Variants in FGF13 observed in about 807,000 individuals in gnomAD.
The protein encoded by FGF13 is fibroblast growth factor homologous factor 2.
Under a neutral mutation model 19.5 loss-of-function variants are expected in FGF13, and 2 were observed. The observed-to-expected ratio is 0.10, with a 90% CI of 0.04 to 0.32. The LOEUF is 0.32. Among genes scored for constraint, FGF13 ranks in the 10% least tolerant of loss-of-function variants. The probability of loss-of-function intolerance (pLI) is 1.00; values close to 1 mark genes in which losing one functional copy is unlikely to be tolerated. For synonymous variants in FGF13, 72 were observed against 76.9 expected (o/e 0.94, Z 0.33); for missense variants, 113 against 192.7 (o/e 0.59, Z 2.45).
chrX:138,728,439 G>C (rs1420099345), intron 1 of FGF13, among the ~76,000 whole-genome samples: 3 of 111,980 alleles, frequency 2.7e-5, no homozygotes, highest in African/African-American at 9.7e-5. Flanking sequence ...AGTATGCACA[G>C]AGTTTTGGAA....
chrX:139,136,212 T>A (rs980950636), intron 1 of FGF13, among the ~76,000 whole-genome samples: 4 of 111,670 alleles, frequency 3.6e-5, no homozygotes, highest in African/African-American at 1.3e-4. Context: ...TATATTTTTT[T>A]ATTTAAATAG....
At chrX:138,826,842 A>G (rs769779734) in intron 3 of FGF13, among the ~76,000 whole-genome samples, 4 of 112,537 alleles carry the variant, frequency 3.6e-5, no homozygotes, top group African/African-American at 1.3e-4. Flanking sequence ...CTTATGACCC[A>G]AGAGATCCTA....
chrX:139,096,170 A>G (rs1188635365), intron 1 of FGF13, among the ~76,000 whole-genome samples: 1 of 111,896 alleles, frequency 8.9e-6, no homozygotes, highest in African/African-American at 3.3e-5. Flanking sequence ...GAGGCTCACA[A>G]CCTACTAGTT....
At chrX:139,000,422 T>C (rs1444172949) in intron 1 of FGF13, among the ~76,000 whole-genome samples, 1 of 112,170 alleles carries the variant, frequency 8.9e-6, no homozygotes, top group Admixed American at 9.4e-5. Context: ...GGTATGATTG[T>C]ATATTTAGAT....
At chrX:138,809,927 C>A (rs1194297677) in intron 3 of FGF13, among the ~76,000 whole-genome samples, 1 of 111,385 alleles carries the variant, frequency 9.0e-6, no homozygotes, top group Non-Finnish European at 1.9e-5. Flanking sequence ...CAAACCCCTG[C>A]TCAACGAAAT....
rs955835699 is a variant in FGF13, at chrX:138,619,136, T to C, written c.*13714A>G. The C allele has an allele frequency of 9.0e-6, 1 of 110,569 alleles. No individual in the cohort carries two copies. Among genetic ancestry groups the C allele is most frequent in the Admixed American group, 9.7e-5 (1 of 10,307 alleles). 9.1% of individuals were successfully genotyped at this position (110,569 alleles called of 1,213,427 possible). A position where few individuals can be genotyped will look rare whatever the true frequency, so the allele number is the denominator to read the frequency against. On this transcript the variant is annotated 3_prime_UTR_variant, in exon 5 of 5. Coordinates refer to ENST00000315930, the MANE Select transcript of FGF13 (RefSeq NM_004114.5). ...CTGACAAAATATTAAAAATAATTGT[T>C]TTAAATAAGCTTGGGTTGCTACATG...
At chrX:139,125,407 A>G (rs746360950) in intron 1 of FGF13, among the ~76,000 whole-genome samples, 12 of 112,289 alleles carry the variant, frequency 1.1e-4, no homozygotes, top group Non-Finnish European at 1.9e-4. Context: ...TCACTTAAAA[A>G]TAATTAGTTA....
intron 1 of FGF13, among the ~76,000 whole-genome samples, chrX:139,149,009 A>G (rs2083912507): frequency 9.0e-6 from 1 of 111,622 alleles, no homozygotes; most frequent in African/African-American, 3.2e-5. Flanking sequence ...TGAGTTGCTC[A>G]AAACATCATT....
At chrX:138,805,119 T>C (rs1278841599) in intron 3 of FGF13, among the ~76,000 whole-genome samples, 1 of 112,143 alleles carries the variant, frequency 8.9e-6, no homozygotes, top group Non-Finnish European at 1.9e-5. Context: ...GGTTTATCCA[T>C]GTTTTGTAAA....
At chrX:138,806,742 G>T (rs1467959835) in intron 3 of FGF13, 1 of 111,193 alleles carries the variant, frequency 9.0e-6, no homozygotes, top group Non-Finnish European at 1.9e-5. Context: ...GAGAGGGACA[G>T]AAGGATGAAG....
intron 1 of FGF13, among the ~76,000 whole-genome samples, chrX:139,026,693 C>A (rs1342773494): frequency 9.0e-6 from 1 of 111,677 alleles, no homozygotes; most frequent in East Asian, 2.8e-4. Flanking sequence ...AGAATGGTGA[C>A]AAACCAGTAG....
chrX:138,650,888 G>A (rs933418402), intron 3 of FGF13, among the ~76,000 whole-genome samples: 2 of 111,392 alleles, frequency 1.8e-5, no homozygotes, highest in African/African-American at 6.5e-5. Context: ...TGTATAAGGC[G>A]GCTCCATTTT....
At chrX:138,780,969 T>G (rs2090636649) in intron 3 of FGF13, among the ~76,000 whole-genome samples, 2 of 110,716 alleles carry the variant, frequency 1.8e-5, no homozygotes, top group African/African-American at 6.6e-5. Context: ...AAACTATCTC[T>G]CAGACCACAG....
At chrX:139,158,232 A>G (rs925187603) in intron 1 of FGF13, among the ~76,000 whole-genome samples, 2 of 106,414 alleles carry the variant, frequency 1.9e-5, no homozygotes, top group Non-Finnish European at 3.8e-5. Flanking sequence ...TTGATATCCC[A>G]GTGGTGCCTG....
chrX:138,943,371 T>A (rs1250348990), intron 1 of FGF13, among the ~76,000 whole-genome samples: 1 of 112,389 alleles, frequency 8.9e-6, no homozygotes, highest in Non-Finnish European at 1.9e-5. Context: ...TGTAGGACAG[T>A]ACACGGCAAC....
intron 1 of FGF13, among the ~76,000 whole-genome samples, chrX:139,186,607 C>G (rs948413936): frequency 8.9e-6 from 1 of 111,824 alleles, no homozygotes; most frequent in Non-Finnish European, 1.9e-5. Context: ...CATCCTCATA[C>G]ACAAAAGTAC....
At chrX:138,933,303 T>G (rs754195799) in intron 1 of FGF13, among the ~76,000 whole-genome samples, 1 of 111,649 alleles carries the variant, frequency 9.0e-6, no homozygotes, top group Non-Finnish European at 1.9e-5. Flanking sequence ...CCAAAAATAT[T>G]TGGAGGAGAA....
chrX:138,929,406 C>T (rs776381887), intron 1 of FGF13, among the ~76,000 whole-genome samples: 3 of 110,946 alleles, frequency 2.7e-5, no homozygotes, highest in African/African-American at 9.8e-5. Flanking sequence ...AATCCTACCA[C>T]AAGATCTAGG....
At chrX:139,150,613 G>C (rs1228308799) in intron 1 of FGF13, among the ~76,000 whole-genome samples, 2 of 111,784 alleles carry the variant, frequency 1.8e-5, no homozygotes, top group Non-Finnish European at 3.8e-5. Context: ...TCCACCTGCA[G>C]TGCCTTCTCT....
Sources: gnomAD v4.1 joint callset for allele counts (sites outside exome capture counted in the v4.1 genomes callset) on GRCh38, gnomAD v4.1.1 for gene constraint, MANE v1.5 for transcripts, NCBI Gene and HGNC (gene_info 2026-07-23, HGNC 2026-07-21) for gene names.